The following COL6A5 variants were observed in gnomAD, a reference collection of about 807,000 sequenced individuals.
The protein encoded by COL6A5 is collagen alpha-5(VI) chain.
COL6A5 carries 48 observed loss-of-function variants against 65.6 expected under a neutral mutation model. The observed-to-expected ratio is 0.73, with a 90% CI of 0.58 to 0.93. The LOEUF (loss-of-function observed/expected upper bound fraction) is 0.93. Among genes scored for constraint, COL6A5 ranks in the 40% least tolerant of loss-of-function variants. COL6A5 has a pLI of 0.00. For missense variants in COL6A5, 914 were observed against 928.3 expected (o/e 0.98, Z 0.20); for synonymous variants, 291 against 322.8 (o/e 0.90, Z 1.05).
intron 1 of COL6A5, among the ~76,000 whole-genome samples, chr3:130,373,159 G>C (rs1400461051): frequency 1.3e-5 from 2 of 152,108 alleles, no homozygotes; most frequent in African/African-American, 2.4e-5. Flanking sequence ...AACAATAAAG[G>C]GTAGAGAATA....
intron 20 of COL6A5, among the ~76,000 whole-genome samples, chr3:130,410,847 G>A (rs150862220): frequency 1.9e-3 from 293 of 152,232 alleles, no homozygotes; most frequent in African/African-American, 6.8e-3. Flanking sequence ...TGGTGAGTTT[G>A]AGAGGCAAAA....
At chr3:130,439,897 C>T (rs1268090407) in intron 2 of COL6A5, among the ~76,000 whole-genome samples, 2 of 152,090 alleles carry the variant, frequency 1.3e-5, no homozygotes, top group East Asian at 1.9e-4. Flanking sequence ...AAAATATTTC[C>T]TAAATGAGCT....
chr3:130,367,028 T>C (rs908429806), intron 1 of COL6A5, among the ~76,000 whole-genome samples: 9 of 152,246 alleles, frequency 5.9e-5, no homozygotes, highest in African/African-American at 2.2e-4. Context: ...TGTTTCACTC[T>C]GTGTCCAAAG....
rs560594424 is a variant in COL6A5 at position 130,391,425 on chromosome 3, G to C, written c.2663G>C (p.Gly888Ala). Residue 888 changes from glycine (G) to alanine (A), a missense_variant and NMD_transcript_variant, in exon 7 of 42, where the codon GGA becomes GCA. Transcript: ENST00000312481. ...AATCTGCGGAAGCGCAGGGACACTGGAGGGAACACCTACACTGCCAAGGCT... is the reference window on the plus strand; with the variant it reads ...AATCTGCGGAAGCGCAGGGACACTGCAGGGAACACCTACACTGCCAAGGCT... 1.9e-6 allele frequency: 3 copies of C among 1,551,686 alleles called. No individual in the cohort carries two copies. In the South Asian group the frequency reaches 3.6e-5, roughly 18 times the overall value.
intron 3 of COL6A5, among the ~76,000 whole-genome samples, chr3:130,442,405 T>A (rs2107704665): frequency 6.6e-6 from 1 of 152,316 alleles, no homozygotes; most frequent in South Asian, 2.1e-4. Flanking sequence ...TTTGTGCCAT[T>A]AAGATTGATG....
At chr3:130,349,293 C>T (rs566721141) in intron 1 of COL6A5, among the ~76,000 whole-genome samples, 2 of 152,212 alleles carry the variant, frequency 1.3e-5, no homozygotes, top group South Asian at 2.1e-4. Context: ...AGAAAGGCAC[C>T]GTAGTGCAAT....
chr3:130,452,612 G>T (rs1325634350), intron 4 of COL6A5, among the ~76,000 whole-genome samples: 1 of 152,140 alleles, frequency 6.6e-6, no homozygotes, highest in Non-Finnish European at 1.5e-5. Context: ...GCAAATGGAG[G>T]CAGGGCGAGA....
chr3:130,414,889 T>G (rs1453150997), intron 22 of COL6A5, among the ~76,000 whole-genome samples: 1 of 152,136 alleles, frequency 6.6e-6, no homozygotes, highest in Admixed American at 6.5e-5. Context: ...TGAGTGGTTC[T>G]GGGGTCCCTG....
chr3:130,430,893 G>A (rs58219910), upstream of COL6A5, among the ~76,000 whole-genome samples: 2,733 of 152,230 alleles, frequency 0.018, 69 homozygotes, highest in African/African-American at 0.063. Flanking sequence ...ATCTTTGCAT[G>A]CATTTCACAG....
At chr3:130,461,648 A>G (rs1328347046) in intron 5 of COL6A5, among the ~76,000 whole-genome samples, 1 of 152,080 alleles carries the variant, frequency 6.6e-6, no homozygotes, top group Non-Finnish European at 1.5e-5. Context: ...ATGAGGAGAT[A>G]TATCCAATGG....
At chr3:130,394,605 C>T (rs1219808578) in intron 7 of COL6A5, among the ~76,000 whole-genome samples, 6 of 152,142 alleles carry the variant, frequency 3.9e-5, no homozygotes, top group South Asian at 2.1e-4. Flanking sequence ...TTAATGAGTA[C>T]GTGAAATTTA....
chr3:130,361,346 C>A (rs530944919), intron 1 of COL6A5, among the ~76,000 whole-genome samples: 104 of 152,094 alleles, frequency 6.8e-4, no homozygotes, highest in African/African-American at 2.3e-3. Context: ...AGTATATAGC[C>A]TTTTCAGATT....
At position 130,426,398 on chromosome 3, in the gene COL6A5, A is replaced by G. The variant is rs373583333; in HGVS notation, c.5231A>G (p.His1744Arg). The G allele has an allele frequency of 4.2e-5, 65 of 1,551,194 alleles. No individual in the cohort carries two copies. Among genetic ancestry groups the G allele is most frequent in the East Asian group, 3.7e-4 (15 of 40,906 alleles). ...GATCTGATCCGGTTTTTGCGGGAAC[A>G]TAGTCGTGAGTATCTGTTACGGAAC... The change falls in exon 31 of 42, where the codon CAT (histidine) becomes CGT (arginine). Residue 1744 changes from histidine (H) to arginine (R), a missense_variant and NMD_transcript_variant. His to Arg is a conservative substitution (Grantham distance 29). Coordinates refer to the COL6A5 transcript ENST00000312481.
At chr3:130,359,609 G>T (rs748373945) in intron 1 of COL6A5, among the ~76,000 whole-genome samples, 13 of 151,938 alleles carry the variant, frequency 8.6e-5, no homozygotes, top group Non-Finnish European at 1.8e-4. Flanking sequence ...TAAAGCAAAA[G>T]TGTATAGGAC....
chr3:130,378,689 A>G (rs1004568701), intron 3 of COL6A5, among the ~76,000 whole-genome samples: 6 of 152,114 alleles, frequency 3.9e-5, no homozygotes, highest in Middle Eastern at 3.4e-3. Flanking sequence ...TTGCTGTTCT[A>G]TCTGCCGGAA....
intron 20 of COL6A5, 74 bp downstream of exon 20, chr3:130,410,598 G>T (rs143584602): frequency 5.7e-4 from 733 of 1,288,564 alleles, no homozygotes; most frequent in Non-Finnish European, 7.8e-4. Flanking sequence ...AATATTTGTT[G>T]TGCACAGTTG....
intron 1 of COL6A5, among the ~76,000 whole-genome samples, chr3:130,361,411 T>C (rs186342630): frequency 1.3e-5 from 2 of 152,230 alleles, no homozygotes; most frequent in Admixed American, 1.3e-4. Flanking sequence ...AATGGCTTGA[T>C]AGTATATTTC....
exon 6 of COL6A5, chr3:130,469,033 T>C (rs750626115): frequency 3.7e-6 from 6 of 1,612,910 alleles, no homozygotes; most frequent in Middle Eastern, 1.7e-4. Context: ...GCTACTCTCC[T>C]CCAGGCTATA....
At chr3:130,392,394 A>T (rs576466719) in intron 7 of COL6A5, among the ~76,000 whole-genome samples, 1 of 152,292 alleles carries the variant, frequency 6.6e-6, no homozygotes, top group East Asian at 1.9e-4. Context: ...TAGGCTGGAG[A>T]CATCACATTT....
Sources: allele counts gnomAD v4.1 joint callset (sites outside exome capture counted in the v4.1 genomes callset), GRCh38; gene constraint gnomAD v4.1.1; transcripts MANE v1.5; gene names NCBI Gene and HGNC (gene_info 2026-07-23, HGNC 2026-07-21).